TLK1: variants seen among roughly 807,000 people sequenced by gnomAD.
TLK1 encodes serine/threonine-protein kinase tousled-like 1.
Under a neutral mutation model 105.3 loss-of-function variants are expected in TLK1, and 24 were observed. The ratio of observed to expected loss-of-function variants is 0.23; its 90% CI spans 0.17 to 0.32. The LOEUF is 0.32. Among genes scored for constraint, TLK1 ranks in the 10% least tolerant of loss-of-function variants. The pLI is 1.00. For missense variants in TLK1, 558 were observed against 910.5 expected, an observed-to-expected ratio of 0.61 and a Z score of 4.98; for synonymous variants, 321 against 310.4, an observed-to-expected ratio of 1.03 and a Z score of -0.36.
At chr2:171,176,128 C>CG (rs1692818269) in intron 1 of TLK1, among the ~76,000 whole-genome samples, 6 of 152,106 alleles carry the variant, frequency 3.9e-5, no homozygotes, top group Non-Finnish European at 1.5e-5. Flanking sequence ...TTAGTAGACA[C>CG]AGGGTTTCTC....
At chr2:171,229,050 A>T (rs765412390) in intron 1 of TLK1, among the ~76,000 whole-genome samples, 1 of 152,194 alleles carries the variant, frequency 6.6e-6, no homozygotes, top group Non-Finnish European at 1.5e-5. Flanking sequence ...TGCGTGTCCT[A>T]TAAGACACAC....
At chr2:171,019,740 A>AT (rs1685395621) in intron 12 of TLK1, among the ~76,000 whole-genome samples, 1 of 152,210 alleles carries the variant, frequency 6.6e-6, no homozygotes, top group African/African-American at 2.4e-5. Flanking sequence ...ACACTACTTG[A>AT]TTAAGAAAAC....
At chr2:171,180,192 C>CAGAGCG (rs1019829433) in intron 1 of TLK1, among the ~76,000 whole-genome samples, 10 of 150,754 alleles carry the variant, frequency 6.6e-5, no homozygotes, top group Admixed American at 1.3e-4. Context: ...GCCTGGATGA[C>CAGAGCG]AGAGCGAGAG....
At chr2:171,163,003 G>C (rs1229538439), upstream of TLK1, among the ~76,000 whole-genome samples, 2 of 152,174 alleles carry the variant, frequency 1.3e-5, no homozygotes, top group Non-Finnish European at 2.9e-5. Context: ...TGTTGGCCAG[G>C]CTGGTCTCAA....
Position 170,993,697 on chromosome 2 carries a change from G to GAAAAAA in TLK1, c.*82_*83insTTTTTT. On this transcript the variant is annotated 3_prime_UTR_variant, in exon 21 of 21. Coordinates refer to ENST00000431350, the MANE Select transcript of TLK1 (RefSeq NM_012290.5). Reference sequence around the variant, plus strand: ...AAAAAAAAAAAAAAAAAAAGAAAAAGAAAACAAACACTCAAATGCTCTCAA... The same window carrying GAAAAAA: ...AAAAAAAAAAAAAAAAAAAGAAAAAGAAAAAAAAAACAAACACTCAAATGCTCTCAA... 1 of 649,118 alleles carries GAAAAAA rather than the reference G, an allele frequency of 1.5e-6. No individual in the cohort carries two copies. The highest frequency in any genetic ancestry group is 2.2e-6 in the Non-Finnish European group (1 of 456,196). The allele number at this position is 649,118 out of a possible 1,614,324, so 40.2% of individuals were successfully genotyped here.
At chr2:171,017,385 T>A (rs1238688926) in intron 12 of TLK1, among the ~76,000 whole-genome samples, 1 of 152,190 alleles carries the variant, frequency 6.6e-6, no homozygotes, top group Admixed American at 6.5e-5. Context: ...GGTGCAAGTT[T>A]AAATAATCTG....
intron 1 of TLK1, among the ~76,000 whole-genome samples, chr2:171,133,622 T>A (rs1214852235): frequency 6.6e-6 from 1 of 152,026 alleles, no homozygotes; most frequent in East Asian, 1.9e-4. Flanking sequence ...TAAGCTTTTT[T>A]AAAAAAAGAA....
chr2:171,218,907 T>G (rs1179558980), intron 1 of TLK1, among the ~76,000 whole-genome samples: 1 of 152,132 alleles, frequency 6.6e-6, no homozygotes, highest in Non-Finnish European at 1.5e-5. Context: ...CCATAGCACA[T>G]AGTAAATTTT....
At chr2:171,087,501 T>C (rs1259780392) in intron 2 of TLK1, among the ~76,000 whole-genome samples, 1 of 152,040 alleles carries the variant, frequency 6.6e-6, no homozygotes, top group African/African-American at 2.4e-5. Context: ...CAGTCTAAGA[T>C]ACATGTAACT....
intron 3 of TLK1, among the ~76,000 whole-genome samples, chr2:171,081,175 T>C (rs1575581987): frequency 6.6e-6 from 1 of 152,198 alleles, no homozygotes; most frequent in South Asian, 2.1e-4. Flanking sequence ...AAAGTGATCC[T>C]TGGGATCTTT....
At chr2:171,119,884 G>C (rs1373092364) in intron 1 of TLK1, among the ~76,000 whole-genome samples, 3 of 152,118 alleles carry the variant, frequency 2.0e-5, no homozygotes, top group Non-Finnish European at 4.4e-5. Flanking sequence ...GAAAACATAT[G>C]GATAAAGCTT....
At chr2:171,156,892 G>GCTAT (rs944282160) in intron 1 of TLK1, among the ~76,000 whole-genome samples, 106 of 152,200 alleles carry the variant, frequency 7.0e-4, no homozygotes, top group African/African-American at 2.4e-3. Context: ...ATGCAATGAC[G>GCTAT]CTATCTAGGC....
At chr2:171,168,972 G>C (rs928821740) in intron 1 of TLK1, among the ~76,000 whole-genome samples, 2 of 152,100 alleles carry the variant, frequency 1.3e-5, no homozygotes, top group African/African-American at 4.8e-5. Context: ...CAGCTACTTG[G>C]GAGGCTGAGG....
intron 11 of TLK1, among the ~76,000 whole-genome samples, chr2:171,040,192 T>A (rs533848289): frequency 7.2e-5 from 11 of 152,234 alleles, no homozygotes; most frequent in Admixed American, 3.3e-4. Flanking sequence ...TAAGCCTCAA[T>A]AAGTAATTGC....
At chr2:171,126,455 G>C (rs1024633046) in intron 1 of TLK1, among the ~76,000 whole-genome samples, 1 of 152,198 alleles carries the variant, frequency 6.6e-6, no homozygotes, top group East Asian at 1.9e-4. Flanking sequence ...ACTAGTTCTG[G>C]TTAGTCAACA....
intron 2 of TLK1, among the ~76,000 whole-genome samples, chr2:171,108,802 C>G (rs1301491825): frequency 6.6e-6 from 1 of 151,960 alleles, no homozygotes; most frequent in East Asian, 1.9e-4. Flanking sequence ...CATCATGTTG[C>G]CCAGGCTGGT....
intron 12 of TLK1, among the ~76,000 whole-genome samples, chr2:171,015,652 AC>A (rs1685146408): frequency 6.7e-6 from 1 of 150,134 alleles, no homozygotes; most frequent in African/African-American, 2.5e-5. Context: ...CAAAACAAGT[AC>A]ACATATCACT....
chr2:171,195,400 G>A (rs998183873), intron 1 of TLK1, among the ~76,000 whole-genome samples: 19 of 151,446 alleles, frequency 1.3e-4, no homozygotes, highest in African/African-American at 4.6e-4. Flanking sequence ...CTACTCCGGA[G>A]GCTGAGGCAG....
intron 1 of TLK1, among the ~76,000 whole-genome samples, chr2:171,179,404 T>C (rs1692887750): frequency 2.0e-5 from 3 of 152,188 alleles, no homozygotes; most frequent in South Asian, 4.1e-4. Flanking sequence ...AAGAAAAAAG[T>C]TAGAGAAGGT....
Sources: allele counts gnomAD v4.1 joint callset (sites outside exome capture counted in the v4.1 genomes callset), GRCh38; gene constraint gnomAD v4.1.1; transcripts MANE v1.5; gene names NCBI Gene and HGNC (gene_info 2026-07-23, HGNC 2026-07-21).